ARHGAP42: variants seen among roughly 807,000 people sequenced by gnomAD.
ARHGAP42 encodes the protein rho GTPase-activating protein 42.
In ARHGAP42, 63 loss-of-function variants were observed where a neutral mutation model predicts 125.0. The observed-to-expected ratio is 0.50, with a 90% CI of 0.41 to 0.62. The LOEUF (loss-of-function observed/expected upper bound fraction) is 0.62. Among genes scored for constraint, ARHGAP42 ranks in the 20% least tolerant of loss-of-function variants. The probability of loss-of-function intolerance (pLI) is 0.00; values close to 1 mark genes in which losing one functional copy is unlikely to be tolerated. For synonymous variants in ARHGAP42, 339 were observed against 351.0 expected (o/e 0.97, Z 0.38); for missense variants, 766 against 1,024.2 (o/e 0.75, Z 3.44).
chr11:100,953,094 T>G (rs1328394552), intron 12 of ARHGAP42, among the ~76,000 whole-genome samples: 2 of 152,088 alleles, frequency 1.3e-5, no homozygotes, highest in Non-Finnish European at 2.9e-5. Context: ...TGTCAGGCGC[T>G]CTAACCATTT....
At chr11:100,827,994 C>T (rs1222295891) in intron 3 of ARHGAP42, among the ~76,000 whole-genome samples, 1 of 152,120 alleles carries the variant, frequency 6.6e-6, no homozygotes, top group Non-Finnish European at 1.5e-5. Flanking sequence ...TCAGAAAAGC[C>T]ACAGGGTCTG....
intron 1 of ARHGAP42, among the ~76,000 whole-genome samples, chr11:100,688,734 T>G (rs1214983684): frequency 6.6e-6 from 1 of 152,174 alleles, no homozygotes; most frequent in Non-Finnish European, 1.5e-5. Flanking sequence ...TATTTTTATT[T>G]ATTTATGTAT....
chr11:100,763,064 C>T (rs1279790425), intron 1 of ARHGAP42, among the ~76,000 whole-genome samples: 1 of 149,656 alleles, frequency 6.7e-6, no homozygotes, highest in East Asian at 2.0e-4. Flanking sequence ...ACCACAACCT[C>T]CTCCTCCCAG....
intron 2 of ARHGAP42, among the ~76,000 whole-genome samples, chr11:100,781,114 A>G (rs934343940): frequency 2.0e-5 from 3 of 152,118 alleles, no homozygotes; most frequent in Admixed American, 1.3e-4. Context: ...ATACTGTAAT[A>G]TAAATTAATC....
chr11:100,932,901 G>A (rs566587723), intron 6 of ARHGAP42, among the ~76,000 whole-genome samples: 1 of 152,222 alleles, frequency 6.6e-6, no homozygotes, highest in Admixed American at 6.5e-5. Flanking sequence ...CAATGCATTT[G>A]AATAGCAGAA....
chr11:100,912,152 C>A (rs911286741), intron 4 of ARHGAP42, among the ~76,000 whole-genome samples: 2 of 152,008 alleles, frequency 1.3e-5, no homozygotes, highest in African/African-American at 4.8e-5. Context: ...ATAGATAAAC[C>A]TGGATTTGAC....
At chr11:100,878,348 CT>C (rs934277401) in intron 4 of ARHGAP42, among the ~76,000 whole-genome samples, 1 of 151,908 alleles carries the variant, frequency 6.6e-6, no homozygotes, top group Admixed American at 6.6e-5. Context: ...CAACTGTTTC[CT>C]TTTGGGTTAT....
rs1334974747 is a variant in ARHGAP42, at chr11:100,992,734, T to A, written c.*3933T>A. 1 of 1,525,768 alleles carries A rather than the reference T, an allele frequency of 6.6e-7. No individual in the cohort carries two copies. Among genetic ancestry groups the A allele is most frequent in the Non-Finnish European group, 8.8e-7 (1 of 1,139,940 alleles). 94.5% of individuals were successfully genotyped at this position (1,525,768 alleles called of 1,614,324 possible). Reference sequence around the variant, plus strand: ...TAGAGGATCAAATCAATAAATTGGATTTTTTATTTTTTGAGGGCAGCTGCC... The same window carrying A: ...TAGAGGATCAAATCAATAAATTGGAATTTTTATTTTTTGAGGGCAGCTGCC... On this transcript the variant is annotated 3_prime_UTR_variant, in exon 24 of 24. Transcript: ENST00000298815.
At chr11:100,953,204 C>A (rs1857711418) in intron 12 of ARHGAP42, among the ~76,000 whole-genome samples, 1 of 152,068 alleles carries the variant, frequency 6.6e-6, no homozygotes, top group South Asian at 2.1e-4. Flanking sequence ...TGTAACTTCT[C>A]CTGTAACTGG....
At chr11:100,877,668 A>G (rs536271780) in intron 4 of ARHGAP42, among the ~76,000 whole-genome samples, 7 of 152,276 alleles carry the variant, frequency 4.6e-5, no homozygotes, top group African/African-American at 1.7e-4. Context: ...GCTGTGTGTG[A>G]ACTTGATGAC....
intron 1 of ARHGAP42, among the ~76,000 whole-genome samples, chr11:100,728,952 A>G (rs1366307539): frequency 6.6e-6 from 1 of 151,730 alleles, no homozygotes; most frequent in African/African-American, 2.4e-5. Context: ...TATTTTCAGT[A>G]GAGATGGGGT....
Position 100,834,098 on chromosome 11 carries a change from C to T in ARHGAP42, c.313-25456C>T, listed in dbSNP as rs139005358. Among the ~76,000 whole-genome samples, 345 of 152,148 alleles carry T rather than the reference C, an allele frequency of 2.3e-3. 1 individual carries two copies. Among genetic ancestry groups the T allele is most frequent in the Non-Finnish European group, 3.5e-3 (239 of 68,002 alleles). On this transcript the variant is annotated intron_variant, in intron 3 of 23. Coordinates refer to ENST00000298815, the MANE Select transcript of ARHGAP42 (RefSeq NM_152432.4). The stretch of plus-strand genomic sequence containing the variant: ...GTTGTTAGCACTTCACATATGTAAA[C>T]CTATTTACAGCTGTCCAGTCATTAC...
At chr11:100,819,038 C>A (rs1864343390) in intron 3 of ARHGAP42, among the ~76,000 whole-genome samples, 1 of 152,110 alleles carries the variant, frequency 6.6e-6, no homozygotes, top group African/African-American at 2.4e-5. Context: ...CATAATTCAG[C>A]AAGCATCAGA....
At chr11:100,737,114 T>C (rs370089022) in intron 1 of ARHGAP42, among the ~76,000 whole-genome samples, 2 of 152,226 alleles carry the variant, frequency 1.3e-5, no homozygotes, top group East Asian at 3.8e-4. Flanking sequence ...GAGTAGACAT[T>C]GTTAGGATTC....
chr11:100,754,690 C>T lies in ARHGAP42; in HGVS notation c.155-15653C>T, dbSNP rs140981846. ...TCCAGTATAATGCTTTCTACACATT[C>T]CTTTAAAATCACTCCTCAAGGGAGA... is the stretch of plus-strand genomic sequence containing the variant. On this transcript the variant is annotated intron_variant, in intron 1 of 23. Transcript: ENST00000298815. Among the ~76,000 whole-genome samples, 732 of 152,274 alleles carry T rather than the reference C, an allele frequency of 4.8e-3. 8 individuals are homozygous for T. The highest frequency in any genetic ancestry group is 0.017 in the African/African-American group (698 of 41,552).
intron 4 of ARHGAP42, among the ~76,000 whole-genome samples, chr11:100,892,604 T>C (rs1220761132): frequency 6.6e-6 from 1 of 152,152 alleles, no homozygotes; most frequent in African/African-American, 2.4e-5. Flanking sequence ...TAGAGCCAAA[T>C]GAAGATAGTG....
intron 4 of ARHGAP42, among the ~76,000 whole-genome samples, chr11:100,903,528 C>A (rs1866621000): frequency 1.3e-5 from 2 of 151,188 alleles, no homozygotes; most frequent in African/African-American, 2.4e-5. Context: ...TTATGTAACC[C>A]TAGTTTTGTC....
intron 3 of ARHGAP42, chr11:100,859,300 A>G: frequency 2.8e-6 from 1 of 358,260 alleles, no homozygotes; most frequent in Middle Eastern, 7.0e-4. Context: ...AAATTTAAGT[A>G]TTCAAACTAA....
chr11:100,744,358 C>T (rs1313768110), intron 1 of ARHGAP42, among the ~76,000 whole-genome samples: 2 of 152,012 alleles, frequency 1.3e-5, no homozygotes, highest in South Asian at 2.1e-4. Flanking sequence ...TAGTAATCAA[C>T]CTTTTGAATT....
Sources: gnomAD v4.1 joint callset for allele counts (sites outside exome capture counted in the v4.1 genomes callset) on GRCh38, gnomAD v4.1.1 for gene constraint, MANE v1.5 for transcripts, NCBI Gene and HGNC (gene_info 2026-07-23, HGNC 2026-07-21) for gene names.